The following METRN variants were observed in gnomAD, a reference collection of about 807,000 sequenced individuals.
The protein encoded by METRN is meteorin.
In METRN, 17 loss-of-function variants were observed where a neutral mutation model predicts 17.4. The observed-to-expected ratio is 0.98, with a 90% CI of 0.67 to 1.46. The LOEUF (loss-of-function observed/expected upper bound fraction) is 1.46. Ranked by LOEUF, METRN falls within the 40% of genes most tolerant of loss-of-function variation. METRN has a pLI of 0.00. For missense variants in METRN, 489 were observed against 456.2 expected, an observed-to-expected ratio of 1.07 and a Z score of -0.65; for synonymous variants, 230 against 210.8, an observed-to-expected ratio of 1.09 and a Z score of -0.79.
At position 715,353 on chromosome 16, in the gene METRN, C is replaced by A; in HGVS notation, c.64C>A (p.Arg22Ser). The change falls in exon 1 of 4, where the codon CGC (arginine) becomes AGC (serine). Residue 22 changes from arginine to serine, a missense_variant. Coordinates refer to ENST00000568223, the MANE Select transcript of METRN (RefSeq NM_024042.4). The stretch of plus-strand genomic sequence containing the variant: ...CTGCGGCCTCCTGGCCCCGGCTGCC[C>A]GCGCCGGCTACTCCGAGGAGCGCTG... Reference protein sequence around the residue: ...LCCGLLAPAARAGYSEERCSW... With the variant: ...LCCGLLAPAASAGYSEERCSW... 2 of 1,340,278 alleles carry A rather than the reference C, an allele frequency of 1.5e-6. No individual in the cohort carries two copies. Among genetic ancestry groups the A allele is most frequent in the Non-Finnish European group, 1.9e-6 (2 of 1,047,214 alleles). The allele number at this position is 1,340,278 out of a possible 1,614,324, so 83.0% of individuals were successfully genotyped here.
In METRN at chr16:715,863, C is replaced by T. The variant is rs996999262; in HGVS notation, c.384C>T (p.Ala128=). The T allele has an allele frequency of 4.4e-5, 60 of 1,367,888 alleles. No homozygotes were observed. The Middle Eastern group carries it at 9.9e-4, about 23-fold the overall frequency. 84.7% of individuals were successfully genotyped at this position (1,367,888 alleles called of 1,614,324 possible). ...CVRWGPRERR[A]LFLQATPHQD... is the part of the protein sequence containing the mutation. ...GCTGGGGTCCCCGCGAGCGCCGGGCCCTCTTCCTGCAGGCCACGCCGCACC... is the reference window on the plus strand; with the variant it reads ...GCTGGGGTCCCCGCGAGCGCCGGGCTCTCTTCCTGCAGGCCACGCCGCACC... The change falls in exon 2 of 4, where the codon GCC becomes GCT. Residue 128 remains alanine, a synonymous_variant. Transcript: ENST00000568223.
At chr16:716,483 T>TGAAAGGGA in intron 2 of METRN, 1 of 1,466,998 alleles carries the variant, frequency 6.8e-7, no homozygotes, top group Non-Finnish European at 9.0e-7. Context: ...GGATGGGCTC[T>TGAAAGGGA]CGCTATTCTG....
intron 2 of METRN, chr16:716,370 A>G (rs2040161990): frequency 2.1e-6 from 3 of 1,413,228 alleles, no homozygotes; most frequent in Middle Eastern, 2.6e-4. Context: ...ACAAAAGTCC[A>G]GTGTGCAGCC....
In METRN at chr16:717,169, C is replaced by T. The variant is rs1485460193; in HGVS notation, c.664C>T (p.Leu222=). Residue 222 remains leucine, a synonymous_variant, in exon 4 of 4, where the codon CTG becomes TTG. Transcript: ENST00000568223. ...AARVLRQTPP[L]FQAGRSGDQG... ...CCGTGTCCTCCGCCAGACACCGCCGCTGTTCCAGGCGGGGCGATCCGGGGA... is the reference window on the plus strand; with the variant it reads ...CCGTGTCCTCCGCCAGACACCGCCGTTGTTCCAGGCGGGGCGATCCGGGGA... 1 of 1,605,314 alleles carries T rather than the reference C, an allele frequency of 6.2e-7. No homozygotes were observed. Among genetic ancestry groups the T allele is most frequent in the Non-Finnish European group, 8.5e-7 (1 of 1,176,808 alleles).
rs1438954681 is a variant in METRN, at chr16:717,842, G to T, written c.*455G>T. The T allele has an allele frequency of 6.3e-6, 1 of 159,774 alleles. No individual in the cohort carries two copies. Among genetic ancestry groups the T allele is most frequent in the Non-Finnish European group, 1.4e-5 (1 of 73,378 alleles). The allele number at this position is 159,774 out of a possible 1,614,324, so 9.9% of individuals were successfully genotyped here. A position where few individuals can be genotyped will look rare whatever the true frequency, so the allele number is the denominator to read the frequency against. ...AGCAGGAGAGGAAAGGGGCAGAGGG[G>T]CATAGGGTCCCTCGGGTACGGTGGG... On this transcript the variant is annotated 3_prime_UTR_variant, in exon 4 of 4. Transcript: ENST00000568223.
intron 2 of METRN, 174 bp downstream of exon 2, chr16:716,158 C>T: frequency 1.8e-5 from 18 of 985,306 alleles, no homozygotes; most frequent in Non-Finnish European, 2.0e-5. Context: ...GGCCTCCCCG[C>T]CCTCCCTTCC....
At chr16:715,519 G>T (rs1285022180) in intron 1 of METRN, 65 bp from the exon 2 acceptor site, 23 of 1,282,356 alleles carry the variant, frequency 1.8e-5, no homozygotes, top group Non-Finnish European at 2.3e-5. Context: ...CCTCGGGAGG[G>T]AGCGGGGGCT....
Position 715,935 on chromosome 16 carries a change from G to A in METRN, c.456G>A (p.Glu152=), listed in dbSNP as rs1298189587. 9.3e-6 allele frequency: 14 copies of A among 1,498,634 alleles called. No homozygotes were observed. The highest frequency in any genetic ancestry group is 2.8e-5 in the East Asian group (1 of 35,398). 92.8% of individuals were successfully genotyped at this position (1,498,634 alleles called of 1,614,324 possible). A position where few individuals can be genotyped will look rare whatever the true frequency, so the allele number is the denominator to read the frequency against. Residue 152 remains glutamate (E), a synonymous_variant, in exon 2 of 4, where the codon GAG becomes GAA. Transcript: ENST00000568223. ...RVAAFRFELR[E]DGRPELPPQA... is the part of the protein sequence containing the mutation. ...CCGCCTTCCGCTTTGAGCTGCGCGAGGACGGGCGCCCCGAGCTGCCCCCGC... is the reference window on the plus strand; with the variant it reads ...CCGCCTTCCGCTTTGAGCTGCGCGAAGACGGGCGCCCCGAGCTGCCCCCGC...
At chr16:716,582 C>T in intron 2 of METRN, 2 of 1,535,278 alleles carry the variant, frequency 1.3e-6, no homozygotes, top group Non-Finnish European at 1.7e-6. Flanking sequence ...CTTCAGACCT[C>T]AGATCCGGGA....
In METRN at chr16:717,699, C is replaced by A. The variant is rs1248929171; in HGVS notation, c.*312C>A. ...CTGCTGGGTGGGGGGCACGTGGGGA[C>A]CTGCACTCATGCAAGCTTCTGCTCT... On this transcript the variant is annotated 3_prime_UTR_variant, in exon 4 of 4. Coordinates refer to ENST00000568223, the MANE Select transcript of METRN (RefSeq NM_024042.4). 9.2e-6 allele frequency: 3 copies of A among 326,822 alleles called. No individual in the cohort carries two copies. The highest frequency in any genetic ancestry group is 4.9e-5 in the Admixed American group (1 of 20,352). The allele number at this position is 326,822 out of a possible 1,614,324, so 20.2% of individuals were successfully genotyped here. A position where few individuals can be genotyped will look rare whatever the true frequency, so the allele number is the denominator to read the frequency against.
chr16:715,645 G>A lies in METRN; in HGVS notation c.166G>A (p.Val56Ile). 1 of 1,436,912 alleles carries A rather than the reference G, an allele frequency of 7.0e-7. No individual in the cohort carries two copies. Among genetic ancestry groups the A allele is most frequent in the Non-Finnish European group, 9.1e-7 (1 of 1,100,808 alleles). The allele number at this position is 1,436,912 out of a possible 1,614,324, so 89.0% of individuals were successfully genotyped here. A position where few individuals can be genotyped will look rare whatever the true frequency, so the allele number is the denominator to read the frequency against. ...QLALACAEGA[V>I]EWLYPAGALR... is the part of the protein sequence containing the mutation. ...GGCCCTGGCCTGTGCGGAGGGCGCG[G>A]TTGAGTGGCTGTACCCGGCTGGGGC... Residue 56 changes from valine to isoleucine, a missense_variant, in exon 2 of 4, where the codon GTT (valine) becomes ATT (isoleucine). Coordinates refer to ENST00000568223, the MANE Select transcript of METRN (RefSeq NM_024042.4).
Position 717,696 on chromosome 16 carries a change from G to A in METRN, c.*309G>A. ...CCGCTGCTGGGTGGGGGGCACGTGG[G>A]GACCTGCACTCATGCAAGCTTCTGC... On this transcript the variant is annotated 3_prime_UTR_variant, in exon 4 of 4. Coordinates refer to ENST00000568223, the MANE Select transcript of METRN (RefSeq NM_024042.4). The A allele has an allele frequency of 3.0e-6, 1 of 330,488 alleles. No individual in the cohort carries two copies. Among genetic ancestry groups the A allele is most frequent in the Non-Finnish European group, 5.5e-6 (1 of 182,276 alleles). The allele number at this position is 330,488 out of a possible 1,614,324, so 20.5% of individuals were successfully genotyped here.
chr16:716,938 T>G lies in METRN; in HGVS notation c.511T>G (p.Cys171Gly). The G allele has an allele frequency of 6.4e-7, 1 of 1,554,432 alleles. No individual in the cohort carries two copies. The highest frequency in any genetic ancestry group is 1.2e-5 in the South Asian group (1 of 82,662). The change falls in exon 3 of 4, where the codon TGC (cysteine) becomes GGC (glycine). Residue 171 changes from cysteine to glycine, a missense_variant. Coordinates refer to ENST00000568223, the MANE Select transcript of METRN (RefSeq NM_024042.4). ...QAHGLGVDGA[C>G]RPCSDAELLL... ...CCACCCCCTCTGCATGCCAGGTGCCTGCAGGCCCTGCAGCGACGCTGAGCT... is the reference window on the plus strand; with the variant it reads ...CCACCCCCTCTGCATGCCAGGTGCCGGCAGGCCCTGCAGCGACGCTGAGCT...
chr16:715,402 CG>C lies in METRN; in HGVS notation c.104+15del. 5 of 1,297,760 alleles carry C rather than the reference CG, an allele frequency of 3.9e-6. No individual in the cohort carries two copies. The highest frequency in any genetic ancestry group is 2.2e-5 in the South Asian group (1 of 45,530). 80.4% of individuals were successfully genotyped at this position (1,297,760 alleles called of 1,614,324 possible). A position where few individuals can be genotyped will look rare whatever the true frequency, so the allele number is the denominator to read the frequency against. On this transcript the variant is annotated intron_variant, in intron 1 of 3. Coordinates refer to ENST00000568223, the MANE Select transcript of METRN (RefSeq NM_024042.4). The stretch of plus-strand genomic sequence containing the variant: ...TGCAGCTGGAGGGGCAGGTACGGTC[CG>C]GGGGGCTGTCCCCGCACTTAGGACG...
Position 716,502 on chromosome 16 carries a change from C to T in METRN, c.506-431C>T, listed in dbSNP as rs1388660226. On this transcript the variant is annotated intron_variant, in intron 2 of 3. Transcript: ENST00000568223. ...GGGCTCTCGCTATTCTGCCCCCTGG[C>T]CCTGGGCCAGGGACCCCAGACCACC... is the stretch of plus-strand genomic sequence containing the variant. The T allele has an allele frequency of 4.0e-6, 6 of 1,498,178 alleles. No individual in the cohort carries two copies. The African/African-American group carries it at 5.6e-5, about 14-fold the overall frequency. The allele number at this position is 1,498,178 out of a possible 1,614,324, so 92.8% of individuals were successfully genotyped here. A position where few individuals can be genotyped will look rare whatever the true frequency, so the allele number is the denominator to read the frequency against.
In METRN at chr16:717,306, CCCA is replaced by C; in HGVS notation, c.803_805del (p.Pro268del). On this transcript the variant is annotated inframe_deletion, in exon 4 of 4. Coordinates refer to ENST00000568223, the MANE Select transcript of METRN (RefSeq NM_024042.4). Reference sequence around the variant, plus strand: ...TTGGGGAGGCCCGGCTGGGCTGTGCCCCACGATTCCAGGAGTTCCGCCGTGCCT... The same window carrying C: ...TTGGGGAGGCCCGGCTGGGCTGTGCCCGATTCCAGGAGTTCCGCCGTGCCT... 1 of 1,521,674 alleles carries C rather than the reference CCCA, an allele frequency of 6.6e-7. No homozygotes were observed. The highest frequency in any genetic ancestry group is 8.8e-7 in the Non-Finnish European group (1 of 1,136,800). The allele number at this position is 1,521,674 out of a possible 1,614,324, so 94.3% of individuals were successfully genotyped here.
chr16:715,651 T>C lies in METRN; in HGVS notation c.172T>C (p.Trp58Arg). 1 of 1,435,340 alleles carries C rather than the reference T, an allele frequency of 7.0e-7. No homozygotes were observed. The highest frequency in any genetic ancestry group is 3.0e-5 in the East Asian group (1 of 33,176). 88.9% of individuals were successfully genotyped at this position (1,435,340 alleles called of 1,614,324 possible). A position where few individuals can be genotyped will look rare whatever the true frequency, so the allele number is the denominator to read the frequency against. The change falls in exon 2 of 4, where the codon TGG becomes CGG. Residue 58 changes from tryptophan to arginine, a missense_variant. Physicochemically the swap from Trp to Arg is moderately radical, Grantham distance 101. Transcript: ENST00000568223. The part of the protein sequence containing the change: ...ALACAEGAVE[W>R]LYPAGALRLT... The stretch of plus-strand genomic sequence containing the variant: ...GGCCTGTGCGGAGGGCGCGGTTGAG[T>C]GGCTGTACCCGGCTGGGGCGCTGCG...
intron 2 of METRN, chr16:716,344 TC>T (rs2040161724): frequency 2.9e-6 from 4 of 1,401,934 alleles, no homozygotes; most frequent in Non-Finnish European, 1.8e-6. Context: ...CTCTCTCCCC[TC>T]CCCCAGCCCA....
At position 716,000 on chromosome 16, in the gene METRN, G is replaced by C. The variant is rs2040158935; in HGVS notation, c.505+16G>C. 4 of 1,462,754 alleles carry C rather than the reference G, an allele frequency of 2.7e-6. No individual in the cohort carries two copies. The highest frequency in any genetic ancestry group is 3.6e-6 in the Non-Finnish European group (4 of 1,113,636). 90.6% of individuals were successfully genotyped at this position (1,462,754 alleles called of 1,614,324 possible). On this transcript the variant is annotated intron_variant, in intron 2 of 3. Coordinates refer to ENST00000568223, the MANE Select transcript of METRN (RefSeq NM_024042.4). ...GGCGTAGACGGTGAGTGGCGGTCTG[G>C]TTGGGACAGGGTGGGAGTCCCGAAG...
Sources: allele counts gnomAD v4.1 joint callset, GRCh38; gene constraint gnomAD v4.1.1; transcripts MANE v1.5; gene names NCBI Gene and HGNC (gene_info 2026-07-23, HGNC 2026-07-21).